TRIOBP: variants seen among roughly 807,000 people sequenced by gnomAD.
TRIOBP encodes the protein TRIO and F-actin-binding protein.
A neutral mutation model predicts 238.8 loss-of-function variants in TRIOBP; 169 were observed. That is an observed-to-expected ratio of 0.71 (90% confidence interval 0.62 to 0.80). The LOEUF (loss-of-function observed/expected upper bound fraction) is 0.80. Among genes scored for constraint, TRIOBP ranks in the 30% least tolerant of loss-of-function variants. The pLI is 0.00. For missense variants in TRIOBP, 2,838 were observed against 3,122.6 expected (o/e 0.91, Z 2.17); for synonymous variants, 1,150 against 1,274.4 (o/e 0.90, Z 2.08).
At chr22:37,759,510 C>T (rs1177432899) in intron 17 of TRIOBP, 3 of 1,608,742 alleles carry the variant, frequency 1.9e-6, no homozygotes, top group Non-Finnish European at 2.5e-6. Context: ...GCCTGCAGGT[C>T]TCAAAGGTGG....
At chr22:37,761,717 C>T (rs940759131) in intron 17 of TRIOBP, among the ~76,000 whole-genome samples, 1 of 151,910 alleles carries the variant, frequency 6.6e-6, no homozygotes, top group African/African-American at 2.4e-5. Flanking sequence ...CCAGGGAAGC[C>T]CGGAGACCGT....
chr22:37,758,086 G>T lies in TRIOBP; in HGVS notation c.6161G>T (p.Arg2054Leu), dbSNP rs765284417. ...VPLTALLNQS[R>L]GERRGPPSDG... ...CTCACTGCCCTGCTCAACCAAAGCC[G>T]CGGAGAGCGCCGAGGGCCCCCAAGT... Residue 2054 changes from arginine (R) to leucine (L), a missense_variant, in exon 16 of 24, where the codon CGC becomes CTC. Arg to Leu is a moderately radical substitution (Grantham distance 102). Transcript: ENST00000644935. 6.2e-7 allele frequency: 1 copy of T among 1,611,224 alleles called. No individual in the cohort carries two copies. Among genetic ancestry groups the T allele is most frequent in the Non-Finnish European group, 8.5e-7 (1 of 1,179,876 alleles).
chr22:37,759,140 C>T lies in TRIOBP; in HGVS notation c.6214-14C>T, dbSNP rs778048071. Reference sequence around the variant, plus strand: ...CAGCTTCCAGGTCCCACTGACCACCCTTCTCCCTCGTAGGTTCAGGCTCTT... The same window carrying T: ...CAGCTTCCAGGTCCCACTGACCACCTTTCTCCCTCGTAGGTTCAGGCTCTT... On this transcript the variant is annotated splice_polypyrimidine_tract_variant and intron_variant, in intron 16 of 23. Coordinates refer to ENST00000644935, the MANE Select transcript of TRIOBP (RefSeq NM_001039141.3). 15 of 1,602,984 alleles carry T rather than the reference C, an allele frequency of 9.4e-6. No individual in the cohort carries two copies. The highest frequency in any genetic ancestry group is 1.7e-5 in the Admixed American group (1 of 58,146).
intron 22 of TRIOBP, 138 bp from the exon 23 acceptor site, chr22:37,772,463 G>T: frequency 8.4e-7 from 1 of 1,191,700 alleles, no homozygotes; most frequent in Non-Finnish European, 1.2e-6. Flanking sequence ...CAGAACCCAC[G>T]GCCATCTTGG....
chr22:37,700,974 C>T (rs576120058), intron 2 of TRIOBP, among the ~76,000 whole-genome samples: 24 of 152,274 alleles, frequency 1.6e-4, no homozygotes, highest in African/African-American at 5.1e-4. Context: ...TTACAGGCAT[C>T]AGCCACTGTG....
At chr22:37,697,338 G>T (rs41280037) in intron 1 of TRIOBP, among the ~76,000 whole-genome samples, 3 of 152,148 alleles carry the variant, frequency 2.0e-5, no homozygotes, top group Non-Finnish European at 4.4e-5. Context: ...AGGGGCACGT[G>T]GAGTAGAGCC....
intron 10 of TRIOBP, among the ~76,000 whole-genome samples, chr22:37,739,990 T>C (rs1487718413): frequency 6.6e-6 from 1 of 152,162 alleles, no homozygotes; most frequent in Admixed American, 6.5e-5. Flanking sequence ...CACACACACT[T>C]AGTGAGCACC....
At chr22:37,730,326 A>G (rs1424543049) in intron 7 of TRIOBP, among the ~76,000 whole-genome samples, 4 of 152,182 alleles carry the variant, frequency 2.6e-5, no homozygotes, top group Non-Finnish European at 5.9e-5. Flanking sequence ...GGGTTTCAGA[A>G]TCTTCTTGAG....
rs1278990406 is a variant in TRIOBP, at chr22:37,724,738, G to A, written c.2182G>A (p.Asp728Asn). 6.2e-6 allele frequency: 10 copies of A among 1,608,076 alleles called. No homozygotes were observed. Among genetic ancestry groups the A allele is most frequent in the Non-Finnish European group, 8.5e-6 (10 of 1,178,760 alleles). The part of the protein sequence containing the change: ...ENPRTSCARR[D>N]NPRASSRNRT... ...CCCCAGAACATCCTGTGCCCGACGGGACAATCCCAGAGCCTCCTCTCGCAA... is the reference window on the plus strand; with the variant it reads ...CCCCAGAACATCCTGTGCCCGACGGAACAATCCCAGAGCCTCCTCTCGCAA... The change falls in exon 7 of 24, where the codon GAC becomes AAC. Residue 728 changes from aspartate (D) to asparagine (N), a missense_variant. By Grantham distance (23) the Asp-to-Asn change is conservative (BLOSUM62 1). Coordinates refer to ENST00000644935, the MANE Select transcript of TRIOBP (RefSeq NM_001039141.3).
chr22:37,726,905 A>T (rs1032956195), intron 7 of TRIOBP, among the ~76,000 whole-genome samples: 14 of 137,054 alleles, frequency 1.0e-4, no homozygotes, highest in African/African-American at 3.6e-4. Flanking sequence ...TTTATTTTTT[A>T]TTTTTTGTTT....
chr22:37,734,588 G>A lies in TRIOBP; in HGVS notation c.4252G>A (p.Ala1418Thr), dbSNP rs770159467. 1.3e-5 allele frequency: 21 copies of A among 1,580,748 alleles called. 1 individual carries two copies. The highest frequency in any genetic ancestry group is 2.3e-5 in the East Asian group (1 of 43,376). The change falls in exon 9 of 24, where the codon GCA (alanine) becomes ACA (threonine). Residue 1418 changes from alanine to threonine, a missense_variant. Physicochemically the swap from Ala to Thr is moderately conservative, Grantham distance 58. This residue lies in a region of TRIOBP where 2,096 missense variants were observed against 2,137.4 expected (regional missense o/e 0.98). Coordinates refer to ENST00000644935, the MANE Select transcript of TRIOBP (RefSeq NM_001039141.3). ...ACAGAGACCTCTGGAGAGTGGCCAA[G>A]CAGGCCCAAGACAGCCTCTGGGGGT... is the stretch of plus-strand genomic sequence containing the variant. ...RTQRPLESGQ[A>T]GPRQPLGVWQ... is the part of the protein sequence containing the mutation.
chr22:37,714,942 A>G (rs938085233), intron 5 of TRIOBP, among the ~76,000 whole-genome samples: 2 of 152,158 alleles, frequency 1.3e-5, no homozygotes, highest in African/African-American at 4.8e-5. Context: ...ACACCACAGA[A>G]GGTGTGGCAC....
chr22:37,748,621 A>G (rs924508317), intron 11 of TRIOBP, among the ~76,000 whole-genome samples: 11 of 152,068 alleles, frequency 7.2e-5, no homozygotes, highest in African/African-American at 2.2e-4. Context: ...CTGAGCCCCT[A>G]TCTGTGCTGG....
rs748631543 is a variant in TRIOBP, at chr22:37,713,293, C to T, written c.338C>T (p.Pro113Leu). 7 of 1,613,884 alleles carry T rather than the reference C, an allele frequency of 4.3e-6. No individual in the cohort carries two copies. The highest frequency in any genetic ancestry group is 1.1e-5 in the South Asian group (1 of 91,088). ...AGGAGCCGGGAGCTTGAGGCAGTAC[C>T]CTATCTGGAGGGCCTGACCACTTCC... ...RSRSRELEAV[P>L]YLEGLTTSLC... The change falls in exon 5 of 24, where the codon CCC becomes CTC. Residue 113 changes from proline (P) to leucine (L), a missense_variant. Physicochemically the swap from Pro to Leu is moderately conservative, Grantham distance 98 (BLOSUM62 -3). Coordinates refer to ENST00000644935, the MANE Select transcript of TRIOBP (RefSeq NM_001039141.3).
At chr22:37,746,502 G>C in intron 11 of TRIOBP, 3 of 1,210,876 alleles carry the variant, frequency 2.5e-6, no homozygotes, top group Non-Finnish European at 3.2e-6. Context: ...CTCCCCTCCG[G>C]GGCAGCCCCC....
In TRIOBP at chr22:37,759,143, C is replaced by T; in HGVS notation, c.6214-11C>T. ...CTTCCAGGTCCCACTGACCACCCTT[C>T]TCCCTCGTAGGTTCAGGCTCTTCGG... On this transcript the variant is annotated splice_polypyrimidine_tract_variant and intron_variant, in intron 16 of 23. Coordinates refer to ENST00000644935, the MANE Select transcript of TRIOBP (RefSeq NM_001039141.3). 2 of 1,605,184 alleles carry T rather than the reference C, an allele frequency of 1.2e-6. No individual in the cohort carries two copies. Among genetic ancestry groups the T allele is most frequent in the Non-Finnish European group, 1.7e-6 (2 of 1,176,206 alleles).
At chr22:37,752,809 A>G (rs986326206) in intron 12 of TRIOBP, among the ~76,000 whole-genome samples, 4 of 152,136 alleles carry the variant, frequency 2.6e-5, no homozygotes, top group African/African-American at 9.7e-5. Flanking sequence ...GTCATCCTCT[A>G]TCACAGGGTT....
At position 37,775,367 on chromosome 22, in the gene TRIOBP, C is replaced by A. The variant is rs1381919445; in HGVS notation, c.*1587C>A. 1 of 152,206 alleles carries A rather than the reference C, an allele frequency of 6.6e-6. No homozygotes were observed. The highest frequency in any genetic ancestry group is 2.4e-5 in the African/African-American group (1 of 41,436). 9.4% of individuals were successfully genotyped at this position (152,206 alleles called of 1,614,324 possible). A position where few individuals can be genotyped will look rare whatever the true frequency, so the allele number is the denominator to read the frequency against. ...AGTGGGAAGAGATTGTTTCCCATTCCCTTGCCAGGGATTGGTTGAGGAATG... is the reference window on the plus strand; with the variant it reads ...AGTGGGAAGAGATTGTTTCCCATTCACTTGCCAGGGATTGGTTGAGGAATG... On this transcript the variant is annotated 3_prime_UTR_variant, in exon 24 of 24. Transcript: ENST00000644935.
At chr22:37,709,852 C>G (rs1923142456) in intron 3 of TRIOBP, among the ~76,000 whole-genome samples, 1 of 152,182 alleles carries the variant, frequency 6.6e-6, no homozygotes, top group African/African-American at 2.4e-5. Flanking sequence ...CCCTGCCTCT[C>G]CTTTAGTGGG....
Sources: gnomAD v4.1 joint callset for allele counts (sites outside exome capture counted in the v4.1 genomes callset) on GRCh38, gnomAD v4.1.1 for gene constraint, gnomAD v4.1.1 regional missense constraint, MANE v1.5 for transcripts, NCBI Gene and HGNC (gene_info 2026-07-23, HGNC 2026-07-21) for gene names.